Variants in ACYP2 observed in about 807,000 individuals in gnomAD.
The protein encoded by ACYP2 is acylphosphatase 2, also known as acylphosphatase-2.
In ACYP2, 12 loss-of-function variants were observed where a neutral mutation model predicts 11.2. The ratio of observed to expected loss-of-function variants is 1.08; its 90% CI spans 0.69 to 1.74. The LOEUF is 1.74. Ranked by LOEUF, ACYP2 falls within the 40% of genes most tolerant of loss-of-function variation. The probability of loss-of-function intolerance (pLI) is 0.00; values close to 1 mark genes in which losing one functional copy is unlikely to be tolerated. For synonymous variants in ACYP2, 43 were observed against 32.2 expected (o/e 1.33, Z -1.13); for missense variants, 134 against 101.9 (o/e 1.31, Z -1.35).
intron 2 of ACYP2, among the ~76,000 whole-genome samples, chr2:53,984,251 C>G (rs1201771273): frequency 6.6e-6 from 1 of 152,082 alleles, no homozygotes; most frequent in Non-Finnish European, 1.5e-5. Flanking sequence ...GAAATTATAG[C>G]CCAGTCCCAC....
intron 6 of ACYP2, among the ~76,000 whole-genome samples, chr2:54,152,136 TG>T (rs201498290): frequency 1.2e-3 from 178 of 143,768 alleles, no homozygotes; most frequent in African/African-American, 3.6e-3. Context: ...TTTTTTTTTT[TG>T]AGGCAGAGTT....
intron 6 of ACYP2, among the ~76,000 whole-genome samples, chr2:54,274,214 A>G (rs556798768): frequency 1.3e-5 from 2 of 152,288 alleles, no homozygotes; most frequent in East Asian, 3.9e-4. Flanking sequence ...TTGTGCAGTA[A>G]AACTCCCCCT....
chr2:54,255,793 G>C, intron 6 of ACYP2: 1 of 1,613,780 alleles, frequency 6.2e-7, no homozygotes, highest in Non-Finnish European at 8.5e-7. Context: ...TAGGCCGTGC[G>C]TCTCTTCACC....
At chr2:54,141,393 A>G (rs1475246922) in intron 6 of ACYP2, among the ~76,000 whole-genome samples, 1 of 152,120 alleles carries the variant, frequency 6.6e-6, no homozygotes, top group Non-Finnish European at 1.5e-5. Flanking sequence ...TGCTCTATTT[A>G]TTACATTTAA....
intron 6 of ACYP2, among the ~76,000 whole-genome samples, chr2:54,275,984 T>A (rs1688545116): frequency 6.6e-6 from 1 of 152,190 alleles, no homozygotes; most frequent in African/African-American, 2.4e-5. Flanking sequence ...GTCATATATC[T>A]TTTTCTGAAA....
At chr2:53,989,222 A>G (rs1216587960) in intron 2 of ACYP2, among the ~76,000 whole-genome samples, 1 of 151,532 alleles carries the variant, frequency 6.6e-6, no homozygotes, top group Non-Finnish European at 1.5e-5. Context: ...GTGAGCCAAT[A>G]CTTAAATAAG....
chr2:54,060,096 A>G (rs2103629962), intron 4 of ACYP2, among the ~76,000 whole-genome samples: 1 of 152,352 alleles, frequency 6.6e-6, no homozygotes, highest in Non-Finnish European at 1.5e-5. Flanking sequence ...TTGTATGTCT[A>G]AATTGAATTA....
At chr2:54,216,899 A>G (rs1685581483) in intron 6 of ACYP2, among the ~76,000 whole-genome samples, 1 of 152,194 alleles carries the variant, frequency 6.6e-6, no homozygotes, top group Non-Finnish European at 1.5e-5. Flanking sequence ...ATTTTACAAT[A>G]TCTTATTCTT....
chr2:54,234,857 G>A (rs1272876991), intron 6 of ACYP2, among the ~76,000 whole-genome samples: 1 of 152,076 alleles, frequency 6.6e-6, no homozygotes, highest in Non-Finnish European at 1.5e-5. Context: ...TTCCACCCAA[G>A]CTTCACCATA....
At chr2:54,210,405 T>C (rs961942110) in intron 6 of ACYP2, among the ~76,000 whole-genome samples, 1 of 143,774 alleles carries the variant, frequency 7.0e-6, no homozygotes, top group Non-Finnish European at 1.6e-5. Context: ...CTTATAACTC[T>C]ATACAAATAA....
intron 6 of ACYP2, among the ~76,000 whole-genome samples, chr2:54,166,105 A>G (rs1250936415): frequency 6.6e-6 from 1 of 152,148 alleles, no homozygotes; most frequent in Non-Finnish European, 1.5e-5. Context: ...GCTCTTATCT[A>G]GGTGCAGCCT....
In ACYP2 at chr2:54,255,932, A is replaced by C. The variant is rs775838915; in HGVS notation, c.405-48756A>C. 4.3e-6 allele frequency: 7 copies of C among 1,613,970 alleles called. No homozygotes were observed. In the Admixed American group the frequency reaches 1.2e-4, roughly 27 times the overall value. On this transcript the variant is annotated intron_variant, in intron 6 of 6. Transcript: ENST00000607452. ...CCATGACTGCGACCCGCATCGACCA[A>C]GATGTGGAAAGTATGGCCACCATCT...
intron 2 of ACYP2, among the ~76,000 whole-genome samples, chr2:54,026,555 TGG>T (rs1490656851): frequency 8.5e-6 from 1 of 117,464 alleles, no homozygotes; most frequent in Non-Finnish European, 1.8e-5. Context: ...ATCCCATTAC[TGG>T]GTATCTACCC....
intron 6 of ACYP2, among the ~76,000 whole-genome samples, chr2:54,189,569 A>G (rs1684150211): frequency 1.4e-5 from 2 of 146,172 alleles, no homozygotes; most frequent in African/African-American, 5.0e-5. Flanking sequence ...ATTCTATTAT[A>G]TTTAATATGT....
At chr2:54,013,317 T>TGTGTG (rs1558471480) in intron 2 of ACYP2, among the ~76,000 whole-genome samples, 1 of 130,236 alleles carries the variant, frequency 7.7e-6, no homozygotes, top group Non-Finnish European at 1.7e-5. Context: ...GTGTGTGTGT[T>TGTGTG]TTGAGACAGA....
At chr2:54,012,965 G>T (rs1485216671) in intron 2 of ACYP2, among the ~76,000 whole-genome samples, 2 of 152,076 alleles carry the variant, frequency 1.3e-5, no homozygotes, top group African/African-American at 4.8e-5. Context: ...AGTTACGCCA[G>T]CTCTTAGCTG....
chr2:54,055,090 G>A (rs916637897), intron 3 of ACYP2, among the ~76,000 whole-genome samples: 5 of 152,050 alleles, frequency 3.3e-5, no homozygotes, highest in Admixed American at 1.3e-4. Flanking sequence ...GGGCTAGAGT[G>A]CAGTGGTGTG....
intron 4 of ACYP2, among the ~76,000 whole-genome samples, chr2:54,082,285 G>C (rs964670763): frequency 1.4e-5 from 2 of 145,142 alleles, no homozygotes; most frequent in Non-Finnish European, 3.0e-5. Flanking sequence ...TCACTCTATC[G>C]CCCAGGCTGG....
chr2:54,114,132 A>G (rs943368781), intron 4 of ACYP2, among the ~76,000 whole-genome samples: 1 of 152,232 alleles, frequency 6.6e-6, no homozygotes, highest in African/African-American at 2.4e-5. Flanking sequence ...GCAGTGGATT[A>G]TTTTAACTGT....
Sources: allele counts gnomAD v4.1 joint callset (sites outside exome capture counted in the v4.1 genomes callset), GRCh38; gene constraint gnomAD v4.1.1; transcripts MANE v1.5; gene names NCBI Gene and HGNC (gene_info 2026-07-23, HGNC 2026-07-21).